The following MMP17 variants were observed in gnomAD, a reference collection of about 807,000 sequenced individuals.
The protein encoded by MMP17 is matrix metallopeptidase 17.
In MMP17, 54 loss-of-function variants were observed where a neutral mutation model predicts 49.1. That is an observed-to-expected ratio of 1.10 (90% CI 0.88 to 1.38). The LOEUF is 1.38. MMP17 is among the 40% of genes most tolerant of loss of function. The probability of loss-of-function intolerance (pLI) is 0.00; values close to 1 mark genes in which losing one functional copy is unlikely to be tolerated. For missense variants in MMP17, 837 were observed against 853.7 expected (o/e 0.98, Z 0.24); for synonymous variants, 397 against 383.1 (o/e 1.04, Z -0.42).
chr12:131,838,464 C>T (rs1887198828), intron 2 of MMP17, 137 bp downstream of exon 2: 2 of 1,449,404 alleles, frequency 1.4e-6, no homozygotes, highest in Admixed American at 2.5e-5. Context: ...AGCTCAGAGC[C>T]TGGGGCTGGT....
chr12:131,844,116 G>C, intron 6 of MMP17, 35 bp downstream of exon 6: 1 of 1,507,422 alleles, frequency 6.6e-7, no homozygotes, highest in South Asian at 1.2e-5. Flanking sequence ...ACCCGCTGGG[G>C]TCTGTCTGTC....
At chr12:131,844,283 G>C in intron 6 of MMP17, 1 of 569,196 alleles carries the variant, frequency 1.8e-6, no homozygotes, top group Non-Finnish European at 3.1e-6. Flanking sequence ...GCACAGAAAT[G>C]AGAACTTCAG....
chr12:131,844,834 G>C (rs1887609875), intron 6 of MMP17: 1 of 434,490 alleles, frequency 2.3e-6, no homozygotes, highest in Admixed American at 3.6e-5. Context: ...TTGGCACCCA[G>C]CCAGGCCCAG....
chr12:131,845,316 G>T lies in MMP17; in HGVS notation c.1071G>T (p.Leu357=). 1 of 1,607,292 alleles carries T rather than the reference G, an allele frequency of 6.2e-7. No homozygotes were observed. Among genetic ancestry groups the T allele is most frequent in the South Asian group, 1.1e-5 (1 of 90,900 alleles). ...FFFKGKYFWR[L]TRDRHLVSLQ... ...CCCCAGGCAAGTACTTCTGGCGGCT[G>T]ACGCGGGACCGGCACCTGGTGTCCC... Residue 357 remains leucine (L), a synonymous_variant, in exon 8 of 10, where the codon CTG becomes CTT. Transcript: ENST00000360564.
chr12:131,845,600 A>G, intron 8 of MMP17, 151 bp downstream of exon 8: 1 of 1,078,828 alleles, frequency 9.3e-7, no homozygotes, highest in South Asian at 1.7e-5. Context: ...CACTCAGCAG[A>G]TGCACTCTGA....
chr12:131,851,260 G>A lies in MMP17; in HGVS notation c.1798G>A (p.Ala600Thr), dbSNP rs1887961395. 1 of 1,432,194 alleles carries A rather than the reference G, an allele frequency of 7.0e-7. No individual in the cohort carries two copies. Among genetic ancestry groups the A allele is most frequent in the Non-Finnish European group, 9.2e-7 (1 of 1,090,018 alleles). The allele number at this position is 1,432,194 out of a possible 1,614,324, so 88.7% of individuals were successfully genotyped here. A position where few individuals can be genotyped will look rare whatever the true frequency, so the allele number is the denominator to read the frequency against. The change falls in exon 10 of 10, where the codon GCC becomes ACC. Residue 600 changes from alanine to threonine, a missense_variant. By Grantham distance (58) the Ala-to-Thr change is moderately conservative. Coordinates refer to ENST00000360564, the MANE Select transcript of MMP17 (RefSeq NM_016155.7). ...AGGCGCCCTGTGGACAGCGGCCCAG[G>A]CCCTGACGCTATGACACACAGCGCG... ...SPGALWTAAQ[A>T]LTL
At chr12:131,837,708 T>A (rs1184839042) in intron 1 of MMP17, among the ~76,000 whole-genome samples, 1 of 152,102 alleles carries the variant, frequency 6.6e-6, no homozygotes, top group African/African-American at 2.4e-5. Context: ...GGACATCAGA[T>A]TTATTTATTT....
chr12:131,845,687 G>A lies in MMP17; in HGVS notation c.1204+238G>A, dbSNP rs371535983. 1.6e-4 allele frequency among the ~76,000 whole-genome samples: 25 copies of A among 152,282 alleles called. No homozygotes were observed. In the East Asian group the frequency reaches 3.7e-3, roughly 22 times the overall value. ...CAAAACGATGGAAAGCCCTGCCCTC[G>A]TTCTAGTCAGGCCACAGTCCACCCG... is the stretch of plus-strand genomic sequence containing the variant. On this transcript the variant is annotated intron_variant, in intron 8 of 9. Transcript: ENST00000360564.
intron 6 of MMP17, chr12:131,844,372 G>A (rs967689526): frequency 8.6e-6 from 4 of 463,016 alleles, no homozygotes; most frequent in African/African-American, 4.1e-5. Flanking sequence ...GTTTCATCAA[G>A]CTCATGGATT....
intron 9 of MMP17, 72 bp from the exon 10 acceptor site, chr12:131,850,853 C>T (rs1242004775): frequency 1.3e-5 from 16 of 1,231,160 alleles, no homozygotes; most frequent in Non-Finnish European, 1.6e-5. Flanking sequence ...CCAACGCTCC[C>T]TCCTCGCTGT....
intron 8 of MMP17, among the ~76,000 whole-genome samples, chr12:131,848,974 G>C (rs1387243361): frequency 6.6e-6 from 1 of 152,112 alleles, no homozygotes; most frequent in Non-Finnish European, 1.5e-5. Context: ...TTGACGTTTT[G>C]GGGAGCCTAT....
intron 1 of MMP17, among the ~76,000 whole-genome samples, chr12:131,833,533 C>T (rs1030312701): frequency 4.6e-5 from 7 of 152,196 alleles, no homozygotes; most frequent in Admixed American, 2.6e-4. Flanking sequence ...CAGAGGAGGC[C>T]GGTGCAGGGG....
In MMP17 at chr12:131,850,047, C is replaced by G. The variant is rs750425762; in HGVS notation, c.1450C>G (p.Arg484Gly). Residue 484 changes from arginine to glycine, a missense_variant, in exon 9 of 10, where the codon CGC becomes GGC. By Grantham distance (125) the Arg-to-Gly change is moderately radical (BLOSUM62 -2). Transcript: ENST00000360564. ...GVPSTLDDAM[R>G]WSDGASYFFR... ...CCCCAGCACGCTGGACGACGCCATGCGCTGGTCCGACGGTGAGTGCCAGCT... is the reference window on the plus strand; with the variant it reads ...CCCCAGCACGCTGGACGACGCCATGGGCTGGTCCGACGGTGAGTGCCAGCT... 1.2e-6 allele frequency: 2 copies of G among 1,611,020 alleles called. No homozygotes were observed. Among genetic ancestry groups the G allele is most frequent in the South Asian group, 2.2e-5 (2 of 90,974 alleles).
At chr12:131,833,571 G>A (rs775117675) in intron 1 of MMP17, among the ~76,000 whole-genome samples, 5 of 152,254 alleles carry the variant, frequency 3.3e-5, no homozygotes, top group South Asian at 2.1e-4. Context: ...TGGGTCAGAC[G>A]TGGTTGCTGG....
At chr12:131,839,779 C>A (rs140111686) in intron 3 of MMP17, among the ~76,000 whole-genome samples, 175 of 152,202 alleles carry the variant, frequency 1.1e-3, no homozygotes, top group Middle Eastern at 6.8e-3. Flanking sequence ...GAGACCCCGT[C>A]TCTACTAAAA....
intron 1 of MMP17, among the ~76,000 whole-genome samples, chr12:131,835,275 C>T (rs1274718304): frequency 1.3e-5 from 2 of 152,252 alleles, no homozygotes; most frequent in Non-Finnish European, 2.9e-5. Context: ...GGGCCACAGG[C>T]GACAGTGCCT....
intron 5 of MMP17, 130 bp from the exon 6 acceptor site, chr12:131,843,867 A>C: frequency 1.5e-6 from 1 of 647,130 alleles, no homozygotes; most frequent in Non-Finnish European, 2.6e-6. Flanking sequence ...CGCTGATCGC[A>C]GCTGCGCCCC....
intron 1 of MMP17, among the ~76,000 whole-genome samples, chr12:131,829,096 G>T (rs910797418): frequency 6.6e-6 from 1 of 152,240 alleles, no homozygotes; most frequent in South Asian, 2.1e-4. Flanking sequence ...AAGGGCAGGG[G>T]CTACGGAGTG....
intron 5 of MMP17, among the ~76,000 whole-genome samples, chr12:131,842,687 C>T (rs1405811484): frequency 6.6e-6 from 1 of 151,778 alleles, no homozygotes; most frequent in Non-Finnish European, 1.5e-5. Flanking sequence ...GCAGGAGAAT[C>T]ACTTGAACCC....
Sources: allele counts gnomAD v4.1 joint callset (sites outside exome capture counted in the v4.1 genomes callset), GRCh38; gene constraint gnomAD v4.1.1; transcripts MANE v1.5; gene names NCBI Gene and HGNC (gene_info 2026-07-23, HGNC 2026-07-21).